RNF130: variants seen among roughly 807,000 people sequenced by gnomAD.
RNF130 encodes ring finger protein 130.
Under a neutral mutation model 44.6 loss-of-function variants are expected in RNF130, and 21 were observed. The observed-to-expected ratio is 0.47, with a 90% confidence interval of 0.33 to 0.68. The LOEUF (loss-of-function observed/expected upper bound fraction) is 0.68. RNF130 is among the 30% of genes least tolerant of loss of function. The pLI is 0.02. For missense variants in RNF130, 479 were observed against 560.6 expected (o/e 0.85, Z 1.47); for synonymous variants, 214 against 210.4 (o/e 1.02, Z -0.15).
intron 5 of RNF130, among the ~76,000 whole-genome samples, chr5:179,972,527 C>T (rs947352310): frequency 8.0e-5 from 12 of 150,078 alleles, no homozygotes; most frequent in South Asian, 4.3e-4. Flanking sequence ...CGCTGGGGGT[C>T]GGGGGAGGCC....
chr5:180,028,792 C>T (rs1162371259), intron 2 of RNF130, among the ~76,000 whole-genome samples: 1 of 151,974 alleles, frequency 6.6e-6, no homozygotes. Context: ...TTTTTTTGTA[C>T]TAGATATATT....
intron 1 of RNF130, among the ~76,000 whole-genome samples, chr5:180,055,465 T>C (rs1185404696): frequency 3.3e-5 from 5 of 151,980 alleles, no homozygotes; most frequent in African/African-American, 4.8e-5. Flanking sequence ...TGTGTGTGTG[T>C]GTGTGCGCGC....
intron 1 of RNF130, among the ~76,000 whole-genome samples, chr5:180,054,098 G>A (rs1337230914): frequency 6.6e-6 from 1 of 152,068 alleles, no homozygotes; most frequent in Non-Finnish European, 1.5e-5. Flanking sequence ...ACAGGTGTGA[G>A]CCCCTGCGCC....
At chr5:179,993,503 T>C (rs1220586168) in intron 3 of RNF130, among the ~76,000 whole-genome samples, 1 of 152,276 alleles carries the variant, frequency 6.6e-6, no homozygotes, top group East Asian at 1.9e-4. Flanking sequence ...CATGTGTCTG[T>C]TGGCTGCATA....
chr5:179,929,090 G>T (rs1761769251), intron 7 of RNF130, among the ~76,000 whole-genome samples: 1 of 152,126 alleles, frequency 6.6e-6, no homozygotes, highest in Non-Finnish European at 1.5e-5. Flanking sequence ...AAGCTTCATG[G>T]TTTTACCTTT....
intron 1 of RNF130, among the ~76,000 whole-genome samples, chr5:180,061,800 T>C (rs1477045751): frequency 6.6e-6 from 1 of 152,226 alleles, no homozygotes; most frequent in African/African-American, 2.4e-5. Context: ...TCTGAGGTTC[T>C]AGGGGGACAT....
At chr5:180,025,629 T>G (rs1237167595) in intron 2 of RNF130, among the ~76,000 whole-genome samples, 1 of 152,230 alleles carries the variant, frequency 6.6e-6, no homozygotes, top group Non-Finnish European at 1.5e-5. Context: ...TTGATAATTA[T>G]GAATTTTTTT....
chr5:179,928,631 G>GTT (rs11346161), intron 7 of RNF130, among the ~76,000 whole-genome samples: 2 of 133,878 alleles, frequency 1.5e-5, no homozygotes, highest in Admixed American at 7.5e-5. Context: ...AATTGTTGTT[G>GTT]TTTTTTTTTT....
At chr5:179,972,121 G>T (rs374249315) in intron 5 of RNF130, among the ~76,000 whole-genome samples, 1 of 152,148 alleles carries the variant, frequency 6.6e-6, no homozygotes, top group Non-Finnish European at 1.5e-5. Context: ...GTTACTCGTA[G>T]CCTCTGTGTG....
intron 3 of RNF130, among the ~76,000 whole-genome samples, chr5:179,996,895 C>T (rs1763211868): frequency 6.6e-6 from 1 of 152,120 alleles, no homozygotes; most frequent in African/African-American, 2.4e-5. Context: ...TTGGTATTAG[C>T]TCTTCTTTAA....
intron 8 of RNF130, among the ~76,000 whole-genome samples, chr5:179,960,457 C>A (rs1469265194): frequency 6.6e-6 from 1 of 152,336 alleles, no homozygotes; most frequent in East Asian, 1.9e-4. Context: ...GCCAACAGCA[C>A]GAAGCCCTTG....
chr5:180,013,448 A>C (rs574126191), intron 2 of RNF130, 137 bp from the exon 3 acceptor site: 46 of 741,508 alleles, frequency 6.2e-5, no homozygotes, highest in Middle Eastern at 7.7e-4. Context: ...TCTCAACTGA[A>C]ATGTAGATGC....
At chr5:179,958,124 G>A (rs963367676) in intron 8 of RNF130, among the ~76,000 whole-genome samples, 110 of 152,178 alleles carry the variant, frequency 7.2e-4, no homozygotes, top group African/African-American at 2.6e-3. Context: ...TGATCCGCCC[G>A]CCTCGGTCTC....
chr5:180,040,845 G>A (rs569595417), intron 1 of RNF130, among the ~76,000 whole-genome samples, 198 bp from the exon 2 acceptor site: 3 of 152,258 alleles, frequency 2.0e-5, no homozygotes, highest in Admixed American at 6.5e-5. Flanking sequence ...CCATGGGACG[G>A]TTACCTATAA....
At chr5:180,048,723 G>T (rs1764625592) in intron 1 of RNF130, among the ~76,000 whole-genome samples, 1 of 152,172 alleles carries the variant, frequency 6.6e-6, no homozygotes. Context: ...GTGTCACCAG[G>T]ATCTGGTTCC....
exon 8 of RNF130, chr5:179,920,356 G>A (rs1166036636): frequency 1.4e-6 from 1 of 702,496 alleles, no homozygotes; most frequent in Non-Finnish European, 2.6e-6. Context: ...AAGAAGGTTC[G>A]ATGGTGGAGA....
intron 2 of RNF130, among the ~76,000 whole-genome samples, chr5:180,039,253 T>G (rs1374566222): frequency 1.3e-5 from 2 of 152,176 alleles, no homozygotes; most frequent in East Asian, 1.9e-4. Flanking sequence ...TTTTCTTTTT[T>G]TTTTGAGATG....
At chr5:180,002,998 T>C (rs901012983) in intron 3 of RNF130, among the ~76,000 whole-genome samples, 2 of 152,094 alleles carry the variant, frequency 1.3e-5, no homozygotes, top group Non-Finnish European at 2.9e-5. Flanking sequence ...CAGATCAGAA[T>C]TCTACCAAAG....
chr5:180,031,009 T>C (rs71613436), intron 2 of RNF130, among the ~76,000 whole-genome samples: 14,783 of 152,278 alleles, frequency 0.097, 771 homozygotes, highest in South Asian at 0.14. Context: ...GGGAAGAAGA[T>C]AAGGATGAAA....
Sources: gnomAD v4.1 joint callset for allele counts (sites outside exome capture counted in the v4.1 genomes callset) on GRCh38, gnomAD v4.1.1 for gene constraint, MANE v1.5 for transcripts, NCBI Gene and HGNC (gene_info 2026-07-23, HGNC 2026-07-21) for gene names.